Variants in IL12RB2 observed in about 807,000 individuals in gnomAD.
The protein encoded by IL12RB2 is interleukin-12 receptor subunit beta-2.
IL12RB2 carries 82 observed loss-of-function variants against 89.4 expected under a neutral mutation model. That is an observed-to-expected ratio of 0.92 (90% CI 0.77 to 1.10). The LOEUF (loss-of-function observed/expected upper bound fraction) is 1.10. Among genes scored for constraint, IL12RB2 ranks in the 50% least tolerant of loss-of-function variants. The pLI, the probability that IL12RB2 is intolerant of heterozygous loss-of-function variation, is 0.00. For missense variants in IL12RB2, 963 were observed against 1,031.9 expected (o/e 0.93, Z 0.92); for synonymous variants, 368 against 370.1 (o/e 0.99, Z 0.07).
chr1:67,390,179 C>A, intron 16 of IL12RB2, 51 bp downstream of exon 16: 1 of 866,238 alleles, frequency 1.2e-6, no homozygotes, highest in Non-Finnish European at 2.0e-6. Flanking sequence ...GTGATCACCA[C>A]ATCTAAGTTT....
At chr1:67,356,650 G>C (rs1661428535) in intron 10 of IL12RB2, among the ~76,000 whole-genome samples, 2 of 152,262 alleles carry the variant, frequency 1.3e-5, no homozygotes, top group South Asian at 4.1e-4. Context: ...CAGGGTCTCT[G>C]GCCTGGAGCT....
In IL12RB2 at chr1:67,397,752, C is replaced by T. The variant is rs891281679; in HGVS notation, c.*1663C>T. On this transcript the variant is annotated 3_prime_UTR_variant, in exon 17 of 17. Coordinates refer to ENST00000674203, the MANE Select transcript of IL12RB2 (RefSeq NM_001374259.2). ...AAAATACTTTTTCTTAAATTCCTGT[C>T]AAGCCTGGGGTCCACCCCGTACCCC... 6.6e-6 allele frequency among the ~76,000 whole-genome samples: 1 copy of T among 152,216 alleles called. No individual in the cohort carries two copies. The highest frequency in any genetic ancestry group is 1.5e-5 in the Non-Finnish European group (1 of 68,046).
intron 16 of IL12RB2, among the ~76,000 whole-genome samples, chr1:67,391,971 G>A (rs756113646): frequency 3.9e-5 from 6 of 152,126 alleles, no homozygotes; most frequent in South Asian, 2.1e-4. Context: ...TTCATTTTCC[G>A]CATGAGGAAA....
chr1:67,390,710 A>G (rs778531154), intron 16 of IL12RB2, among the ~76,000 whole-genome samples: 19 of 152,116 alleles, frequency 1.2e-4, no homozygotes, highest in Non-Finnish European at 2.5e-4. Flanking sequence ...GCTGCAGCCC[A>G]GGAAAGAAGG....
At chr1:67,342,471 G>A (rs902634373) in intron 9 of IL12RB2, among the ~76,000 whole-genome samples, 2 of 152,132 alleles carry the variant, frequency 1.3e-5, no homozygotes, top group African/African-American at 4.8e-5. Flanking sequence ...GCCCCTGGGG[G>A]TTGGGGTGGG....
At chr1:67,392,970 T>G (rs567859704) in intron 16 of IL12RB2, among the ~76,000 whole-genome samples, 1 of 152,114 alleles carries the variant, frequency 6.6e-6, no homozygotes, top group Non-Finnish European at 1.5e-5. Context: ...TTTGCAAAAA[T>G]AACCAGTGAA....
intron 15 of IL12RB2, among the ~76,000 whole-genome samples, chr1:67,389,667 G>A (rs1665598673): frequency 6.6e-6 from 1 of 152,020 alleles, no homozygotes; most frequent in South Asian, 2.1e-4. Context: ...ATTCTAATTA[G>A]CTAAATAGTA....
chr1:67,345,111 A>C (rs966484473), intron 9 of IL12RB2, among the ~76,000 whole-genome samples: 1 of 152,168 alleles, frequency 6.6e-6, no homozygotes, highest in African/African-American at 2.4e-5. Context: ...GCAGAGTTGC[A>C]GTGAGCCGAG....
chr1:67,352,695 T>C (rs6685432), intron 10 of IL12RB2, among the ~76,000 whole-genome samples: 67,389 of 152,178 alleles, frequency 0.44, 18,136 homozygotes, highest in Non-Finnish European at 0.58. Flanking sequence ...TTTTCAAATA[T>C]ATGAAACTTT....
chr1:67,354,198 G>T (rs551437787), intron 10 of IL12RB2, among the ~76,000 whole-genome samples: 1 of 152,276 alleles, frequency 6.6e-6, no homozygotes, highest in South Asian at 2.1e-4. Context: ...GAGGCCAGGA[G>T]AGCTGGTGGC....
intron 14 of IL12RB2, among the ~76,000 whole-genome samples, chr1:67,384,832 C>T (rs11209062): frequency 0.47 from 71,041 of 152,030 alleles, 18,778 homozygotes; most frequent in Non-Finnish European, 0.58. Context: ...AGTTCCTTGT[C>T]TCCATCTGAG....
Position 67,395,686 on chromosome 1 carries a change from G to C in IL12RB2, c.2186G>C (p.Arg729Thr), listed in dbSNP as rs1335459138. 4.3e-6 allele frequency: 7 copies of C among 1,613,996 alleles called. No homozygotes were observed. In the Admixed American group the frequency reaches 6.7e-5, roughly 15 times the overall value. ...RHPPCSNWPQ[R>T]EKGIQGHQAS... ...CCCCCCTGCTCCAACTGGCCACAAA[G>C]GGAAAAAGGAATCCAAGGTCATCAG... The change falls in exon 17 of 17, where the codon AGG becomes ACG. Residue 729 changes from arginine to threonine, a missense_variant. Arg to Thr is a moderately conservative substitution (Grantham distance 71, BLOSUM62 -1). Transcript: ENST00000674203.
At chr1:67,313,021 C>T (rs1023706027) in intron 1 of IL12RB2, among the ~76,000 whole-genome samples, 6 of 152,220 alleles carry the variant, frequency 3.9e-5, no homozygotes, top group Non-Finnish European at 8.8e-5. Flanking sequence ...TGAATGGGGC[C>T]GGTTTGATGA....
At position 67,329,730 on chromosome 1, in the gene IL12RB2, G is replaced by A; in HGVS notation, c.807+1G>A. The A allele has an allele frequency of 6.2e-7, 1 of 1,602,184 alleles. No individual in the cohort carries two copies. Among genetic ancestry groups the A allele is most frequent in the Non-Finnish European group, 8.6e-7 (1 of 1,169,208 alleles). On this transcript the variant is annotated splice_donor_variant, in intron 7 of 16. Coordinates refer to ENST00000674203, the MANE Select transcript of IL12RB2 (RefSeq NM_001374259.2). LOFTEE classifies it high-confidence loss of function. ...CAGTAACAGCAGGCTCTGGAATATG[G>A]TAATTATCTTTAGAGTGAAGGAAAA...
intron 2 of IL12RB2, among the ~76,000 whole-genome samples, chr1:67,316,011 A>C (rs1261017268): frequency 1.3e-5 from 2 of 152,216 alleles, no homozygotes; most frequent in Non-Finnish European, 2.9e-5. Context: ...AATAAGATTT[A>C]ATGTAAGTAG....
intron 9 of IL12RB2, among the ~76,000 whole-genome samples, chr1:67,343,519 G>A (rs868425132): frequency 5.3e-5 from 8 of 152,120 alleles, no homozygotes; most frequent in African/African-American, 1.7e-4. Context: ...GCTTGATTAC[G>A]AATAGCCCCA....
intron 1 of IL12RB2, among the ~76,000 whole-genome samples, chr1:67,308,746 A>G (rs17129735): frequency 0.02 from 2,987 of 152,274 alleles, 45 homozygotes; most frequent in Middle Eastern, 0.034. Context: ...GGGTCCCGGC[A>G]CGGTGGCTCA....
chr1:67,364,639 T>G (rs1662481190), intron 10 of IL12RB2, among the ~76,000 whole-genome samples: 1 of 152,116 alleles, frequency 6.6e-6, no homozygotes, highest in Non-Finnish European at 1.5e-5. Flanking sequence ...TCAAAATGCA[T>G]GAGCCAAAAA....
chr1:67,370,340 C>A (rs1285540265), intron 11 of IL12RB2, among the ~76,000 whole-genome samples: 1 of 152,062 alleles, frequency 6.6e-6, no homozygotes, highest in Non-Finnish European at 1.5e-5. Context: ...AGAGACCAGT[C>A]CTGTCCTGTC....
Sources: allele counts gnomAD v4.1 joint callset (sites outside exome capture counted in the v4.1 genomes callset), GRCh38; gene constraint gnomAD v4.1.1; transcripts MANE v1.5; gene names NCBI Gene and HGNC (gene_info 2026-07-23, HGNC 2026-07-21).